ZNF208: variants seen among roughly 807,000 people sequenced by gnomAD.
ZNF208 encodes zinc finger protein 95.
A neutral mutation model predicts 12.1 loss-of-function variants in ZNF208; 10 were observed. That is an observed-to-expected ratio of 0.83 (90% confidence interval 0.51 to 1.40). ZNF208 has a LOEUF of 1.40. Ranked by LOEUF, ZNF208 falls within the 40% of genes most tolerant of loss-of-function variation. The pLI is 0.00. For synonymous variants in ZNF208, 497 were observed against 488.4 expected, an observed-to-expected ratio of 1.02 and a Z score of -0.23; for missense variants, 1,652 against 1,485.0, an observed-to-expected ratio of 1.11 and a Z score of -1.85.
chr19:21,950,634 C>G (rs1442359694), intron 4 of ZNF208, among the ~76,000 whole-genome samples: 1 of 152,086 alleles, frequency 6.6e-6, no homozygotes, highest in Non-Finnish European at 1.5e-5. Context: ...GCTGGGATTA[C>G]AGGCATCTGC....
At chr19:21,960,042 A>G (rs1204466711) in intron 4 of ZNF208, among the ~76,000 whole-genome samples, 2 of 152,162 alleles carry the variant, frequency 1.3e-5, no homozygotes, top group African/African-American at 4.8e-5. Flanking sequence ...TTTTTAGATT[A>G]AAAAAGTAAA....
In ZNF208 at chr19:21,966,231, A is replaced by C. The variant is rs1279807521; in HGVS notation, c.*4960T>G. 1 of 152,090 alleles carries C rather than the reference A, an allele frequency of 6.6e-6. No individual in the cohort carries two copies. The highest frequency in any genetic ancestry group is 1.5e-5 in the Non-Finnish European group (1 of 68,006). 9.4% of individuals were successfully genotyped at this position (152,090 alleles called of 1,614,324 possible). ...GCCCAAGTAGTGTACATCATACCTA[A>C]GCAGATTTTCTATGCTTGTCTCCCA... On this transcript the variant is annotated 3_prime_UTR_variant, in exon 4 of 4. Transcript: ENST00000397126.
At chr19:21,982,740 C>T (rs142934119) in intron 3 of ZNF208, among the ~76,000 whole-genome samples, 17 of 152,220 alleles carry the variant, frequency 1.1e-4, no homozygotes, top group Admixed American at 8.5e-4. Context: ...CTTTGACAAA[C>T]CTGACAAAAG....
rs779191697 is a variant in ZNF208, at chr19:21,974,795, T to C, written c.239A>G (p.His80Arg). The stretch of plus-strand genomic sequence containing the variant: ...CTCTGGCCAAAGATCTTGAGCAAAA[T>C]GAGAACATATAACTGAAAAGAAATA... ...MVEESPVICS[H>R]FAQDLWPEQG... The change falls in exon 4 of 4, where the codon CAT becomes CGT. Residue 80 changes from histidine (H) to arginine (R), a missense_variant. Around this residue, in one of 3 missense-constraint regions of ZNF208, gnomAD observed 410 missense variants for 378.2 expected, o/e 1.08. Transcript: ENST00000397126. The C allele has an allele frequency of 1.3e-6, 2 of 1,558,450 alleles. No individual in the cohort carries two copies. The highest frequency in any genetic ancestry group is 4.1e-5 in the Admixed American group (2 of 49,376).
intron 4 of ZNF208, among the ~76,000 whole-genome samples, chr19:21,952,237 G>T (rs550098557): frequency 6.6e-6 from 1 of 152,338 alleles, no homozygotes; most frequent in Non-Finnish European, 1.5e-5. Flanking sequence ...CTGAACAAAA[G>T]GCAGCAGATA....
intron 4 of ZNF208, among the ~76,000 whole-genome samples, chr19:21,960,811 A>G (rs1230198885): frequency 6.6e-6 from 1 of 152,196 alleles, no homozygotes; most frequent in East Asian, 1.9e-4. Flanking sequence ...AAAGATGCAC[A>G]CTCAAAAACC....
At chr19:21,954,578 C>T (rs1339635149) in intron 4 of ZNF208, among the ~76,000 whole-genome samples, 1 of 152,170 alleles carries the variant, frequency 6.6e-6, no homozygotes, top group East Asian at 1.9e-4. Context: ...GATCCCTTTA[C>T]CATTATGTAA....
chr19:21,952,352 C>G (rs572710581), intron 4 of ZNF208, among the ~76,000 whole-genome samples: 1 of 152,292 alleles, frequency 6.6e-6, no homozygotes, highest in Non-Finnish European at 1.5e-5. Flanking sequence ...CTCCTCAAGT[C>G]AATCCCTGAC....
chr19:21,956,316 C>CTT (rs1306334401), intron 4 of ZNF208, among the ~76,000 whole-genome samples: 4 of 93,594 alleles, frequency 4.3e-5, no homozygotes, highest in Non-Finnish European at 8.7e-5. Flanking sequence ...TCTGTCCATT[C>CTT]TCATATCTCA....
At chr19:21,955,444 C>T (rs1227872661) in intron 4 of ZNF208, among the ~76,000 whole-genome samples, 1 of 152,212 alleles carries the variant, frequency 6.6e-6, no homozygotes, top group Admixed American at 6.5e-5. Context: ...GTTCCATTCT[C>T]CCTGTCACTT....
chr19:21,999,344 T>C (rs1970899278), intron 1 of ZNF208, among the ~76,000 whole-genome samples: 1 of 152,214 alleles, frequency 6.6e-6, no homozygotes, highest in Admixed American at 6.5e-5. Context: ...ATTCATACTA[T>C]TGTAGAAAAT....
chr19:21,975,210 A>G (rs1970407222), intron 3 of ZNF208, among the ~76,000 whole-genome samples: 1 of 152,148 alleles, frequency 6.6e-6, no homozygotes, highest in Non-Finnish European at 1.5e-5. Context: ...ATTGGCACAA[A>G]AAATTTAATT....
rs55672042 is a variant in ZNF208 at position 21,979,098 on chromosome 19, T to G, written c.227-4291A>C. Among the ~76,000 whole-genome samples, 357 of 152,160 alleles carry G rather than the reference T, an allele frequency of 2.3e-3. 2 individuals carry two copies. The highest frequency in any genetic ancestry group is 4.0e-3 in the Non-Finnish European group (273 of 67,980). On this transcript the variant is annotated intron_variant, in intron 3 of 3. Transcript: ENST00000397126. ...CTATGTGAAAAGACCAAATCTACAT[T>G]TAATTCGGGTACGTGAAAGTGACAG...
rs1187823204 is a variant in ZNF208, at chr19:21,973,544, T to C, written c.1490A>G (p.Tyr497Cys). ...AGCTTTGCCACATTCTTCACATTTG[T>C]AGGGTTTCTCTCCAGCATGAGTTGC... ...DKATHAGEKP[Y>C]KCEECGKAFN... Residue 497 changes from tyrosine to cysteine, a missense_variant, in exon 4 of 4, where the codon TAC becomes TGC. Transcript: ENST00000397126. 2 of 1,613,256 alleles carry C rather than the reference T, an allele frequency of 1.2e-6. No homozygotes were observed. Among genetic ancestry groups the C allele is most frequent in the East Asian group, 2.2e-5 (1 of 44,830 alleles).
chr19:22,008,725 C>T (rs779879673), intron 1 of ZNF208, among the ~76,000 whole-genome samples: 7 of 152,204 alleles, frequency 4.6e-5, no homozygotes, highest in East Asian at 3.9e-4. Context: ...ATGGAAGCTG[C>T]GTTGGGTAAA....
At chr19:21,962,516 A>T (rs1315067035), downstream of ZNF208, among the ~76,000 whole-genome samples, 2 of 151,992 alleles carry the variant, frequency 1.3e-5, no homozygotes, top group African/African-American at 2.4e-5. Flanking sequence ...ATGAAAAGGA[A>T]TTTTTCATGA....
intron 1 of ZNF208, among the ~76,000 whole-genome samples, chr19:22,007,089 A>G (rs1408851651): frequency 1.3e-5 from 2 of 152,198 alleles, no homozygotes; most frequent in African/African-American, 2.4e-5. Flanking sequence ...TAACTCACCA[A>G]TTACCTACCG....
intron 1 of ZNF208, among the ~76,000 whole-genome samples, chr19:22,004,623 A>G (rs1467756194): frequency 6.6e-6 from 1 of 152,168 alleles, no homozygotes; most frequent in Non-Finnish European, 1.5e-5. Context: ...TTGCAGCAAC[A>G]TGGATGAAGC....
In ZNF208 at chr19:21,972,672, G is replaced by A. The variant is rs756248745; in HGVS notation, c.2362C>T (p.Arg788Ter). Residue 788 changes from arginine (R) to a stop codon, truncating the protein, a stop_gained, in exon 4 of 4, where the codon CGA becomes TGA. Coordinates refer to ENST00000397126, the MANE Select transcript of ZNF208 (RefSeq NM_007153.3). LOFTEE classifies it low-confidence loss of function (END_TRUNC). Reference sequence around the variant, plus strand: ...TTATGTTTAATAAGGATTGCAGATCGGTTAAAAGCTTTGCCACATTCTTCA... The same window carrying A: ...TTATGTTTAATAAGGATTGCAGATCAGTTAAAAGCTTTGCCACATTCTTCA... Reference protein sequence around the residue: ...KCEECGKAFNRSAILIKHKRI... With the variant: ...KCEECGKAFN The A allele has an allele frequency of 3.4e-5, 54 of 1,594,778 alleles. No individual in the cohort carries two copies. The Admixed American group carries it at 5.7e-4, about 17-fold the overall frequency.
Sources: gnomAD v4.1 joint callset for allele counts (sites outside exome capture counted in the v4.1 genomes callset) on GRCh38, gnomAD v4.1.1 for gene constraint, gnomAD v4.1.1 regional missense constraint, MANE v1.5 for transcripts, NCBI Gene and HGNC (gene_info 2026-07-23, HGNC 2026-07-21) for gene names.